LRRC4C: variants seen among roughly 807,000 people sequenced by gnomAD.
LRRC4C encodes the protein leucine-rich repeat-containing protein 4C.
A neutral mutation model predicts 33.6 loss-of-function variants in LRRC4C; 5 were observed. That is an observed-to-expected ratio of 0.15 (90% confidence interval 0.08 to 0.31). The LOEUF is 0.31. Ranked by LOEUF, LRRC4C falls within the 10% of genes least tolerant of loss-of-function variation. The pLI is 1.00. For synonymous variants in LRRC4C, 329 were observed against 302.0 expected, an observed-to-expected ratio of 1.09 and a Z score of -0.93; for missense variants, 560 against 796.7, an observed-to-expected ratio of 0.70 and a Z score of 3.58.
At chr11:41,001,391 C>A (rs1854364905) in intron 1 of LRRC4C, among the ~76,000 whole-genome samples, 1 of 152,108 alleles carries the variant, frequency 6.6e-6, no homozygotes, top group African/African-American at 2.4e-5. Context: ...ATATCTTGTT[C>A]TCTCTTCTTT....
intron 1 of LRRC4C, among the ~76,000 whole-genome samples, chr11:40,953,581 G>T (rs1958816129): frequency 6.6e-6 from 1 of 151,742 alleles, no homozygotes; most frequent in African/African-American, 2.4e-5. Flanking sequence ...ATATTTCACA[G>T]ATCTATCTTC....
chr11:40,665,324 AAATATATATATATAT>A (rs1943707440), intron 2 of LRRC4C, among the ~76,000 whole-genome samples: 1 of 10,310 alleles, frequency 9.7e-5, no homozygotes, highest in Non-Finnish European at 1.9e-4. Flanking sequence ...AAAAAAAAAA[AAATATATATATATAT>A]ATATATATAT....
At chr11:40,428,541 G>C (rs1770577070) in intron 3 of LRRC4C, among the ~76,000 whole-genome samples, 2 of 152,170 alleles carry the variant, frequency 1.3e-5, no homozygotes, top group South Asian at 4.1e-4. Flanking sequence ...GTTTATGTAA[G>C]TGTTTCCTGG....
chr11:41,278,494 A>C (rs1415116254), intron 1 of LRRC4C, among the ~76,000 whole-genome samples: 1 of 152,234 alleles, frequency 6.6e-6, no homozygotes, highest in African/African-American at 2.4e-5. Flanking sequence ...AAATACATAC[A>C]AATTCATGTC....
chr11:41,012,517 G>A (rs1223102039), intron 1 of LRRC4C, among the ~76,000 whole-genome samples: 1 of 151,854 alleles, frequency 6.6e-6, no homozygotes, highest in African/African-American at 2.4e-5. Flanking sequence ...CCATATTTTG[G>A]CTATTGTGAT....
At chr11:40,660,838 G>A (rs778272360) in intron 2 of LRRC4C, among the ~76,000 whole-genome samples, 1 of 152,060 alleles carries the variant, frequency 6.6e-6, no homozygotes, top group Non-Finnish European at 1.5e-5. Context: ...AATTTATAAC[G>A]AAAGCTAAAA....
At chr11:40,202,759 C>T (rs1862857751) in intron 5 of LRRC4C, among the ~76,000 whole-genome samples, 1 of 152,008 alleles carries the variant, frequency 6.6e-6, no homozygotes, top group Admixed American at 6.6e-5. Context: ...AGGGAAGGGG[C>T]AAAGCTATCA....
intron 3 of LRRC4C, among the ~76,000 whole-genome samples, chr11:40,373,909 T>C (rs1948560121): frequency 6.6e-6 from 1 of 152,166 alleles, no homozygotes; most frequent in Non-Finnish European, 1.5e-5. Context: ...CATGAGCCAA[T>C]TAAACCTTTT....
intron 1 of LRRC4C, among the ~76,000 whole-genome samples, chr11:41,011,650 G>A (rs1028161028): frequency 1.5e-4 from 22 of 151,588 alleles, no homozygotes; most frequent in Non-Finnish European, 8.8e-5. Flanking sequence ...AACTGGCCAC[G>A]TACTCCAAAT....
intron 1 of LRRC4C, among the ~76,000 whole-genome samples, chr11:40,958,679 T>C (rs1035841519): frequency 5.9e-5 from 9 of 151,822 alleles, no homozygotes; most frequent in African/African-American, 1.9e-4. Context: ...TCAGCAGTTA[T>C]AGAGCTAAAT....
At chr11:41,320,851 C>T (rs1280270046) in intron 1 of LRRC4C, among the ~76,000 whole-genome samples, 1 of 152,166 alleles carries the variant, frequency 6.6e-6, no homozygotes, top group Non-Finnish European at 1.5e-5. Flanking sequence ...TACCTCCCAA[C>T]ACATTCAGAT....
chr11:40,986,335 C>T (rs145445957), intron 1 of LRRC4C, among the ~76,000 whole-genome samples: 1 of 152,250 alleles, frequency 6.6e-6, no homozygotes, highest in African/African-American at 2.4e-5. Flanking sequence ...TAGTGGCTCA[C>T]ACCTGTAATC....
intron 1 of LRRC4C, among the ~76,000 whole-genome samples, chr11:41,443,563 T>G (rs1955722107): frequency 6.6e-6 from 1 of 151,828 alleles, no homozygotes; most frequent in Non-Finnish European, 1.5e-5. Flanking sequence ...TCTCTCTCCT[T>G]TTTCTTTTTT....
chr11:40,792,296 G>A (rs1478834147), intron 2 of LRRC4C, among the ~76,000 whole-genome samples: 1 of 152,010 alleles, frequency 6.6e-6, no homozygotes, highest in Non-Finnish European at 1.5e-5. Flanking sequence ...TATTATTGAA[G>A]TTTATTTCTC....
chr11:40,474,217 C>A (rs547417320), intron 3 of LRRC4C, among the ~76,000 whole-genome samples: 1 of 152,262 alleles, frequency 6.6e-6, no homozygotes, highest in Non-Finnish European at 1.5e-5. Flanking sequence ...CAGCATGGTA[C>A]TGGTACCAAA....
At chr11:40,393,977 G>A (rs544574957) in intron 3 of LRRC4C, among the ~76,000 whole-genome samples, 10 of 151,948 alleles carry the variant, frequency 6.6e-5, no homozygotes, top group Non-Finnish European at 1.2e-4. Context: ...ACTTAATTTA[G>A]ATTTGTATTT....
In LRRC4C at chr11:41,440,664, AT is replaced by A. The variant is rs1955588839; in HGVS notation, c.-496+18766del. ...AATCTCATCTCAAATTGTAATCCCC[AT>A]GTGTCACGGGAGGGACCTGGTGGGA... On this transcript the variant is annotated intron_variant, in intron 1 of 6. Transcript: ENST00000528697. Among the ~76,000 whole-genome samples, 3 of 152,016 alleles carry A rather than the reference AT, an allele frequency of 2.0e-5. No individual in the cohort carries two copies. The South Asian group carries it at 6.2e-4, about 32-fold the overall frequency.
rs79486887 is a variant in LRRC4C, at chr11:40,494,431, G to A, written c.-270+153711C>T. ...TTGCAGAAACTTGCATTTCAAGATA[G>A]AGAATAGTGATTATTTCTGAGGGAA... is the stretch of plus-strand genomic sequence containing the variant. On this transcript the variant is annotated intron_variant, in intron 3 of 6. Coordinates refer to ENST00000528697, the MANE Select transcript of LRRC4C (RefSeq NM_001258419.2). Among the ~76,000 whole-genome samples, 668 of 152,232 alleles carry A rather than the reference G, an allele frequency of 4.4e-3. 20 individuals carry two copies. Among genetic ancestry groups the A allele is most frequent in the Admixed American group, 0.031 (471 of 15,266 alleles).
intron 1 of LRRC4C, among the ~76,000 whole-genome samples, chr11:41,263,408 A>G (rs16935503): frequency 0.24 from 36,121 of 152,040 alleles, 5,153 homozygotes; most frequent in African/African-American, 0.41. Flanking sequence ...ACTAGAACAT[A>G]CAATTTTTCT....
Sources: gnomAD v4.1 joint callset for allele counts (sites outside exome capture counted in the v4.1 genomes callset) on GRCh38, gnomAD v4.1.1 for gene constraint, MANE v1.5 for transcripts, NCBI Gene and HGNC (gene_info 2026-07-23, HGNC 2026-07-21) for gene names.